The following DOK1 variants were observed in gnomAD, a reference collection of about 807,000 sequenced individuals.
DOK1 encodes docking protein 1.
In DOK1, 12 loss-of-function variants were observed where a neutral mutation model predicts 24.0. That is an observed-to-expected ratio of 0.50 (90% CI 0.32 to 0.81). DOK1 has a LOEUF of 0.81. Ranked by LOEUF, DOK1 falls within the 30% of genes least tolerant of loss-of-function variation. The pLI is 0.03. For synonymous variants in DOK1, 250 were observed against 260.9 expected (o/e 0.96, Z 0.40); for missense variants, 591 against 620.7 (o/e 0.95, Z 0.51).
In DOK1 at chr2:74,555,077, C is replaced by G; in HGVS notation, c.61-77C>G. ...CCCCAGATCCCAAATCGACTTGCGC[C>G]GCAACCTCCTTCCCCGTCGGGACCC... On this transcript the variant is annotated intron_variant, in intron 1 of 4. Coordinates refer to ENST00000233668, the MANE Select transcript of DOK1 (RefSeq NM_001381.5). The surrounding 1 kb of genome is among the most constrained non-coding windows in gnomAD (Gnocchi z 6.1). The G allele has an allele frequency of 6.6e-7, 1 of 1,514,250 alleles. No homozygotes were observed. Among genetic ancestry groups the G allele is most frequent in the South Asian group, 1.3e-5 (1 of 78,332 alleles). 93.8% of individuals were successfully genotyped at this position (1,514,250 alleles called of 1,614,324 possible).
upstream of DOK1, chr2:74,553,771 G>C (rs939162867): frequency 6.6e-6 from 1 of 152,588 alleles, no homozygotes; most frequent in African/African-American, 2.4e-5. Flanking sequence ...TCTCAGTTGG[G>C]TGGCTTCCCC....
At chr2:74,552,190 T>C, upstream of DOK1, 1 of 811,228 alleles carries the variant, frequency 1.2e-6, no homozygotes. Flanking sequence ...TGGTTTGTCA[T>C]CCATGGATTT....
In DOK1 at chr2:74,555,788, T is replaced by G. The variant is rs1277325585; in HGVS notation, c.455-106T>G. ...AGTAAGAAGTAGGAAGGCCCTGAGA[T>G]CTGGCTTCCGAGTGAGTGCTTGGAC... On this transcript the variant is annotated intron_variant, in intron 3 of 4. Transcript: ENST00000233668. This position sits in a 1 kb window ranked among gnomAD's most constrained non-coding sequence, Gnocchi z 6.1. 8.2e-6 allele frequency: 13 copies of G among 1,586,074 alleles called. No individual in the cohort carries two copies. The East Asian group carries it at 2.7e-4, about 33-fold the overall frequency.
Position 74,556,753 on chromosome 2 carries a change from A to G in DOK1, c.1085A>G (p.Tyr362Cys), listed in dbSNP as rs753150734. 1.1e-5 allele frequency: 17 copies of G among 1,614,170 alleles called. No homozygotes were observed. In the South Asian group the frequency reaches 1.6e-4, roughly 16 times the overall value. ...ACAGACCCCAAAGAGGATCCCATCT[A>G]TGATGAACCTGAGGGCCTGGCCCCA... ...KLTDPKEDPI[Y>C]DEPEGLAPVP... The change falls in exon 5 of 5, where the codon TAT becomes TGT. Residue 362 changes from tyrosine to cysteine, a missense_variant. Physicochemically the swap from Tyr to Cys is radical, Grantham distance 194. Coordinates refer to ENST00000233668, the MANE Select transcript of DOK1 (RefSeq NM_001381.5). The surrounding 1 kb of genome is among the most constrained non-coding windows in gnomAD (Gnocchi z 4.1).
chr2:74,552,261 C>T, upstream of DOK1: 15 of 1,503,056 alleles, frequency 1.0e-5, no homozygotes, highest in South Asian at 2.5e-5. Context: ...CTCGTGTTCC[C>T]TTTCCCTGCA....
At position 74,555,818 on chromosome 2, in the gene DOK1, T is replaced by C; in HGVS notation, c.455-76T>C. On this transcript the variant is annotated intron_variant, in intron 3 of 4. Transcript: ENST00000233668. The surrounding 1 kb of genome is among the most constrained non-coding windows in gnomAD (Gnocchi z 6.1). ...CTTCCGAGTGAGTGCTTGGACACTA[T>C]GCTCATGAGTCCTCTGGGTCCCCAC... 1 of 1,581,186 alleles carries C rather than the reference T, an allele frequency of 6.3e-7. No individual in the cohort carries two copies. The highest frequency in any genetic ancestry group is 8.6e-7 in the Non-Finnish European group (1 of 1,163,302).
At chr2:74,550,005 A>G (rs1676899119), upstream of DOK1, 19 of 985,376 alleles carry the variant, frequency 1.9e-5, no homozygotes, top group Non-Finnish European at 2.3e-5. Context: ...CTTGAATGTG[A>G]ATGCTAAAAA....
chr2:74,552,921 GAGAT>G (rs1677113343), upstream of DOK1: 2 of 408,100 alleles, frequency 4.9e-6, no homozygotes, highest in Non-Finnish European at 8.8e-6. Flanking sequence ...TCAATAAAAA[GAGAT>G]AGAGACTGAG....
In DOK1 at chr2:74,557,164, C is replaced by G; in HGVS notation, c.*50C>G. The G allele has an allele frequency of 1.3e-6, 2 of 1,547,500 alleles. No individual in the cohort carries two copies. The highest frequency in any genetic ancestry group is 1.8e-6 in the Non-Finnish European group (2 of 1,141,996). ...TAAGGGGGACCATGGGGAGGTGGCA[C>G]TAGGGATCAAAGAAGATGGTTAGAA... is the stretch of plus-strand genomic sequence containing the variant. On this transcript the variant is annotated 3_prime_UTR_variant, in exon 5 of 5. Coordinates refer to ENST00000233668, the MANE Select transcript of DOK1 (RefSeq NM_001381.5).
Position 74,556,277 on chromosome 2 carries a change from G to A in DOK1, c.640-31G>A, listed in dbSNP as rs1283640294. The A allele has an allele frequency of 3.8e-6, 6 of 1,594,800 alleles. No homozygotes were observed. In the Admixed American group the frequency reaches 1.0e-4, roughly 27 times the overall value. On this transcript the variant is annotated intron_variant, in intron 4 of 4. Coordinates refer to ENST00000233668, the MANE Select transcript of DOK1 (RefSeq NM_001381.5). This position sits in a 1 kb window ranked among gnomAD's most constrained non-coding sequence, Gnocchi z 4.1. The stretch of plus-strand genomic sequence containing the variant: ...TGACTCACTTCCTCTGATGGCTCCT[G>A]GTAATGTGTTTCCCCCTCTACCCTC...
At position 74,549,565 on chromosome 2, in the gene DOK1, C is replaced by T. The variant is rs540709903; in HGVS notation, c.-358+393C>T. On this transcript the variant is annotated intron_variant, in intron 1 of 4. Transcript: ENST00000409429. The surrounding 1 kb of genome is among the most constrained non-coding windows in gnomAD (Gnocchi z 5.3). ...GCGGGTCGAATTCGCACCTCCTCCA[C>T]TTGCAGGTGATGCTCTACCTGGGGG... The T allele has an allele frequency of 3.2e-5, 52 of 1,610,094 alleles. No individual in the cohort carries two copies. The highest frequency in any genetic ancestry group is 6.7e-5 in the Admixed American group (4 of 59,862).
chr2:74,554,308 G>C (rs1476032365), upstream of DOK1: 1 of 172,350 alleles, frequency 5.8e-6, no homozygotes, highest in Admixed American at 6.3e-5. The surrounding 1 kb of genome is among the most constrained non-coding windows in gnomAD (Gnocchi z 4.9). Context: ...GGCCAGCGGA[G>C]TCTAAACAGC....
At chr2:74,550,066 C>T (rs192841031), upstream of DOK1, 10,055 of 1,480,742 alleles carry the variant, frequency 6.8e-3, 47 homozygotes, top group Non-Finnish European at 8.3e-3. Flanking sequence ...TTTTCCAAGT[C>T]TCCCACCAAT....
In DOK1 at chr2:74,555,477, G is replaced by T; in HGVS notation, c.360+24G>T. 6.2e-7 allele frequency: 1 copy of T among 1,608,234 alleles called. No homozygotes were observed. The highest frequency in any genetic ancestry group is 8.5e-7 in the Non-Finnish European group (1 of 1,177,844). On this transcript the variant is annotated intron_variant, in intron 2 of 4. Coordinates refer to ENST00000233668, the MANE Select transcript of DOK1 (RefSeq NM_001381.5). This position sits in a 1 kb window ranked among gnomAD's most constrained non-coding sequence, Gnocchi z 6.1. ...CGGTGAGGAGCTGCGGCGATGCGGGGTGGGGGCAGTTACAGAGGCAGAGAA... is the reference window on the plus strand; with the variant it reads ...CGGTGAGGAGCTGCGGCGATGCGGGTTGGGGGCAGTTACAGAGGCAGAGAA...
At position 74,555,932 on chromosome 2, in the gene DOK1, G is replaced by A. The variant is rs756157059; in HGVS notation, c.493G>A (p.Ala165Thr). ...FWVTVQRTEA[A>T]ERCGLHGSYV... ...GGTAACGGTGCAGAGGACTGAGGCC[G>A]CCGAGCGCTGTGGCCTGCATGGCTC... Residue 165 changes from alanine to threonine, a missense_variant, in exon 4 of 5, where the codon GCC becomes ACC. Physicochemically the swap from Ala to Thr is moderately conservative, Grantham distance 58. Transcript: ENST00000233668. The surrounding 1 kb of genome is among the most constrained non-coding windows in gnomAD (Gnocchi z 6.1). 4 of 1,612,558 alleles carry A rather than the reference G, an allele frequency of 2.5e-6. No homozygotes were observed. The highest frequency in any genetic ancestry group is 3.4e-6 in the Non-Finnish European group (4 of 1,179,264).
upstream of DOK1, chr2:74,552,593 C>T (rs1439507481): frequency 6.3e-7 from 1 of 1,595,372 alleles, no homozygotes; most frequent in Admixed American, 1.7e-5. Flanking sequence ...GGCACAGCAG[C>T]AGCCCCCAGG....
Position 74,549,512 on chromosome 2 carries a change from G to C in DOK1, c.-358+340G>C. 6.2e-7 allele frequency: 1 copy of C among 1,613,596 alleles called. No individual in the cohort carries two copies. Among genetic ancestry groups the C allele is most frequent in the Non-Finnish European group, 8.5e-7 (1 of 1,179,788 alleles). Reference sequence around the variant, plus strand: ...TGACTTCCACCAGCCCCTCCGTCACGGGCAGGGGTCGTCTGCCCCACCCAA... The same window carrying C: ...TGACTTCCACCAGCCCCTCCGTCACCGGCAGGGGTCGTCTGCCCCACCCAA... On this transcript the variant is annotated intron_variant, in intron 1 of 4. Coordinates refer to the DOK1 transcript ENST00000409429. This position sits in a 1 kb window ranked among gnomAD's most constrained non-coding sequence, Gnocchi z 5.3.
Position 74,556,794 on chromosome 2 carries a change from C to T in DOK1, c.1126C>T (p.Leu376Phe). ...CCTGGCCCCAGTCCCTCCCCAGGGC[C>T]TTTATGATCTGCCTCGGGAGCCCAA... is the stretch of plus-strand genomic sequence containing the variant. ...EGLAPVPPQG[L>F]YDLPREPKDA... Residue 376 changes from leucine to phenylalanine, a missense_variant, in exon 5 of 5, where the codon CTT (leucine) becomes TTT (phenylalanine). By Grantham distance (22) the Leu-to-Phe change is conservative. Transcript: ENST00000233668. This position sits in a 1 kb window ranked among gnomAD's most constrained non-coding sequence, Gnocchi z 4.1. 2 of 1,614,196 alleles carry T rather than the reference C, an allele frequency of 1.2e-6. No individual in the cohort carries two copies. Among genetic ancestry groups the T allele is most frequent in the Non-Finnish European group, 1.7e-6 (2 of 1,180,024 alleles).
In DOK1 at chr2:74,557,064, T is replaced by C. The variant is rs1336336008; in HGVS notation, c.1396T>C (p.Ser466Pro). 2 of 1,613,584 alleles carry C rather than the reference T, an allele frequency of 1.2e-6. No homozygotes were observed. Among genetic ancestry groups the C allele is most frequent in the African/African-American group, 2.7e-5 (2 of 74,880 alleles). The change falls in exon 5 of 5, where the codon TCT (serine) becomes CCT (proline). Residue 466 changes from serine (S) to proline (P), a missense_variant. By Grantham distance (74) the Ser-to-Pro change is moderately conservative. Coordinates refer to ENST00000233668, the MANE Select transcript of DOK1 (RefSeq NM_001381.5). The stretch of plus-strand genomic sequence containing the variant: ...CTCAGGGAGCTGGGACTGTGGGCTC[T>C]CTAGAGTAGGGACTGACAAGACTGG... ...GASGSWDCGL[S>P]RVGTDKTGVK...
Sources: allele counts gnomAD v4.1 joint callset, GRCh38; gene constraint gnomAD v4.1.1; non-coding constraint Gnocchi (gnomAD v3.1); transcripts MANE v1.5; gene names NCBI Gene and HGNC (gene_info 2026-07-23, HGNC 2026-07-21).